The following WWTR1 variants were observed in gnomAD, a reference collection of about 807,000 sequenced individuals.
WWTR1 encodes WW domain-containing transcription regulator protein 1.
WWTR1 carries 13 observed loss-of-function variants against 40.1 expected under a neutral mutation model. The observed-to-expected ratio is 0.32, with a 90% CI of 0.21 to 0.52. The LOEUF is 0.52. Ranked by LOEUF, WWTR1 falls within the 20% of genes least tolerant of loss-of-function variation. The probability of loss-of-function intolerance (pLI) is 0.97; values close to 1 mark genes in which losing one functional copy is unlikely to be tolerated. For synonymous variants in WWTR1, 230 were observed against 210.1 expected (o/e 1.09, Z -0.82); for missense variants, 436 against 523.1 (o/e 0.83, Z 1.63).
chr3:149,576,349 A>G, intron 2 of WWTR1: 1 of 302,758 alleles, frequency 3.3e-6, no homozygotes, highest in Non-Finnish European at 6.6e-6. Flanking sequence ...CACTTCCCAA[A>G]CCCAGGATAC....
intron 2 of WWTR1, among the ~76,000 whole-genome samples, chr3:149,623,010 T>C (rs1009239099): frequency 2.6e-5 from 4 of 152,212 alleles, no homozygotes; most frequent in Non-Finnish European, 5.9e-5. Context: ...GATTCAGTAA[T>C]TCCATTGCTA....
chr3:149,618,555 T>C (rs1287962378), intron 2 of WWTR1, among the ~76,000 whole-genome samples: 4 of 152,066 alleles, frequency 2.6e-5, no homozygotes, highest in African/African-American at 9.7e-5. Flanking sequence ...CTAATAGCTA[T>C]GAAAAAGATG....
At chr3:149,533,281 G>A (rs1418366083) in intron 4 of WWTR1, among the ~76,000 whole-genome samples, 2 of 152,100 alleles carry the variant, frequency 1.3e-5, no homozygotes, top group African/African-American at 4.8e-5. Context: ...CTGCATCCAG[G>A]TCCCTACCCA....
chr3:149,646,371 C>T (rs977804816), intron 2 of WWTR1, among the ~76,000 whole-genome samples: 6 of 152,230 alleles, frequency 3.9e-5, no homozygotes, highest in Non-Finnish European at 7.3e-5. Flanking sequence ...AAGAGTGACA[C>T]ACCCAAACTA....
intron 1 of WWTR1, among the ~76,000 whole-genome samples, chr3:149,675,864 T>C (rs1714242134): frequency 6.6e-6 from 1 of 152,086 alleles, no homozygotes; most frequent in South Asian, 2.1e-4. Flanking sequence ...ACTACAGGCG[T>C]CCACCACCAT....
chr3:149,540,187 A>T (rs1736027300), intron 4 of WWTR1: 1 of 456,374 alleles, frequency 2.2e-6, no homozygotes, highest in Admixed American at 2.4e-5. Context: ...CTCCTGCTTC[A>T]TATACAATGC....
At chr3:149,642,603 G>A (rs1225308436) in intron 2 of WWTR1, among the ~76,000 whole-genome samples, 4 of 151,274 alleles carry the variant, frequency 2.6e-5, no homozygotes, top group Admixed American at 6.6e-5. Flanking sequence ...GTGAAACCCC[G>A]TCTCTACTAA....
At chr3:149,599,580 C>T (rs1332546785) in intron 2 of WWTR1, among the ~76,000 whole-genome samples, 1 of 152,224 alleles carries the variant, frequency 6.6e-6, no homozygotes, top group Non-Finnish European at 1.5e-5. Flanking sequence ...TGTACCAATG[C>T]TCATTATAAC....
chr3:149,622,490 GAAGGAAGGAAGGAAGAAAGAAAGAAAGA>G lies in WWTR1; in HGVS notation c.431+34358_431+34385del, dbSNP rs1292751536. ...GGAAGGAAGGAAGGAAGGAAGGAAG[GAAGGAAGGAAGGAAGAAAGAAAGAAAGA>G]AAGAAAGAAAGAAAGAAAGAAAGAA... is the stretch of plus-strand genomic sequence containing the variant. On this transcript the variant is annotated intron_variant, in intron 2 of 6. Transcript: ENST00000360632. Among the ~76,000 whole-genome samples the G allele has an allele frequency of 6.1e-4, 38 of 62,716 alleles. 1 individual carries two copies. In the East Asian group the frequency reaches 0.012, roughly 19 times the overall value. 41.1% of individuals were successfully genotyped at this position (62,716 alleles called of 152,430 possible).
Position 149,600,660 on chromosome 3 carries a change from A to G in WWTR1, c.432-27660T>C, listed in dbSNP as rs190711515. On this transcript the variant is annotated intron_variant, in intron 2 of 6. Coordinates refer to ENST00000360632, the MANE Select transcript of WWTR1 (RefSeq NM_015472.6). ...AGCCACCCTGGGGTACCCATTTGAT[A>G]CATTAAATGAAATCCAAATAAAGTC... Among the ~76,000 whole-genome samples, 4 of 152,360 alleles carry G rather than the reference A, an allele frequency of 2.6e-5. No homozygotes were observed. In the East Asian group the frequency reaches 7.7e-4, roughly 29 times the overall value.
intron 2 of WWTR1, among the ~76,000 whole-genome samples, chr3:149,664,107 A>G (rs368943648): frequency 8.5e-5 from 13 of 152,338 alleles, no homozygotes; most frequent in African/African-American, 2.9e-4. Context: ...GCAAAGGTGT[A>G]TGGTTAGAAA....
At chr3:149,688,002 C>T (rs568983702) in intron 1 of WWTR1, among the ~76,000 whole-genome samples, 7 of 151,452 alleles carry the variant, frequency 4.6e-5, no homozygotes, top group Admixed American at 3.9e-4. Flanking sequence ...TGGTGGTGGA[C>T]ATGGGGAGAG....
At chr3:149,615,154 A>G (rs750446984) in intron 2 of WWTR1, among the ~76,000 whole-genome samples, 18 of 152,322 alleles carry the variant, frequency 1.2e-4, no homozygotes, top group Middle Eastern at 3.4e-3. Context: ...TGAAATAAAC[A>G]ATACTGAACT....
chr3:149,568,609 A>T (rs1737466399), intron 3 of WWTR1, among the ~76,000 whole-genome samples: 2 of 146,116 alleles, frequency 1.4e-5, no homozygotes, highest in South Asian at 4.4e-4. Flanking sequence ...TTTTACTTAG[A>T]CTCAGTGTTC....
At chr3:149,579,285 C>A (rs147308908) in intron 2 of WWTR1, among the ~76,000 whole-genome samples, 1 of 152,308 alleles carries the variant, frequency 6.6e-6, no homozygotes, top group Non-Finnish European at 1.5e-5. Context: ...AGCCTCCAAA[C>A]TGCCTCTTCT....
chr3:149,526,032 A>G lies in WWTR1; in HGVS notation c.999T>C (p.Asn333=), dbSNP rs1165362000. The G allele has an allele frequency of 6.2e-7, 1 of 1,603,984 alleles. No individual in the cohort carries two copies. Among genetic ancestry groups the G allele is most frequent in the Non-Finnish European group, 8.5e-7 (1 of 1,174,758 alleles). ...VPTTPEDFLS[N]VDEMDTGENA... ...TCCTACCTGTATCCATCTCATCCAC[A>G]TTGCTGAGGAAGTCCTCCGGAGTTG... The change falls in exon 6 of 7, where the codon AAT becomes AAC. Residue 333 remains asparagine (N), a synonymous_variant. Transcript: ENST00000360632.
chr3:149,721,133 G>A (rs936024462), intron 4 of WWTR1, among the ~76,000 whole-genome samples: 1 of 151,976 alleles, frequency 6.6e-6, no homozygotes, highest in African/African-American at 2.4e-5. Context: ...GCTATGTCTA[G>A]CATTTCCAAT....
Position 149,525,179 on chromosome 3 carries a change from T to C in WWTR1, c.1018+834A>G, listed in dbSNP as rs1030145509. Reference sequence around the variant, plus strand: ...CCTGAGGGAGGATGTCGTTACCATGTTGGAACTTGGAAGTGACAATTTTGA... The same window carrying C: ...CCTGAGGGAGGATGTCGTTACCATGCTGGAACTTGGAAGTGACAATTTTGA... On this transcript the variant is annotated intron_variant, in intron 6 of 6. Coordinates refer to ENST00000360632, the MANE Select transcript of WWTR1 (RefSeq NM_015472.6). Among the ~76,000 whole-genome samples, 3 of 152,174 alleles carry C rather than the reference T, an allele frequency of 2.0e-5. No homozygotes were observed. In the East Asian group the frequency reaches 5.8e-4, roughly 29 times the overall value.
intron 2 of WWTR1, among the ~76,000 whole-genome samples, chr3:149,612,863 C>T (rs533729427): frequency 2.0e-5 from 3 of 152,318 alleles, no homozygotes; most frequent in East Asian, 3.9e-4. Flanking sequence ...TCCACCTACA[C>T]TGATACCTCA....
Sources: gnomAD v4.1 joint callset for allele counts (sites outside exome capture counted in the v4.1 genomes callset) on GRCh38, gnomAD v4.1.1 for gene constraint, MANE v1.5 for transcripts, NCBI Gene and HGNC (gene_info 2026-07-23, HGNC 2026-07-21) for gene names.